The following GRID1 variants were observed in gnomAD, a reference collection of about 807,000 sequenced individuals.
GRID1 encodes glutamate ionotropic receptor delta type subunit 1, also known as glutamate receptor ionotropic, delta-1.
A neutral mutation model predicts 98.0 loss-of-function variants in GRID1; 28 were observed. The observed-to-expected ratio is 0.29, with a 90% CI of 0.21 to 0.39. The LOEUF is 0.39. Among genes scored for constraint, GRID1 ranks in the 10% least tolerant of loss-of-function variants. The pLI, the probability that GRID1 is intolerant of heterozygous loss-of-function variation, is 1.00. For synonymous variants in GRID1, 553 were observed against 538.5 expected (o/e 1.03, Z -0.37); for missense variants, 1,111 against 1,340.5 (o/e 0.83, Z 2.67).
intron 4 of GRID1, among the ~76,000 whole-genome samples, chr10:86,012,589 C>A (rs1019439182): frequency 6.6e-6 from 1 of 152,038 alleles, no homozygotes; most frequent in Non-Finnish European, 1.5e-5. Context: ...GTGTTTGTGT[C>A]CCCCCCAAAA....
intron 13 of GRID1, among the ~76,000 whole-genome samples, chr10:85,642,061 G>A (rs1190967311): frequency 6.6e-6 from 1 of 152,196 alleles, no homozygotes; most frequent in East Asian, 1.9e-4. Flanking sequence ...ATGTCCCTGG[G>A]TTGCCCCTGT....
intron 6 of GRID1, among the ~76,000 whole-genome samples, chr10:85,856,815 G>A (rs1306792236): frequency 2.6e-5 from 4 of 152,302 alleles, no homozygotes; most frequent in East Asian, 3.9e-4. Flanking sequence ...CACCGCTGGC[G>A]GATCCTTGGG....
chr10:85,844,116 G>A (rs1257994176), intron 8 of GRID1, among the ~76,000 whole-genome samples: 1 of 152,040 alleles, frequency 6.6e-6, no homozygotes, highest in Non-Finnish European at 1.5e-5. Flanking sequence ...CAACAACTTG[G>A]ATGGAACCTC....
At chr10:85,684,259 G>A (rs557418865) in intron 12 of GRID1, among the ~76,000 whole-genome samples, 1 of 152,210 alleles carries the variant, frequency 6.6e-6, no homozygotes, top group South Asian at 2.1e-4. Flanking sequence ...CTAAAACAAT[G>A]TATACCACTA....
At chr10:85,757,480 G>A (rs765320596) in intron 8 of GRID1, among the ~76,000 whole-genome samples, 5 of 152,170 alleles carry the variant, frequency 3.3e-5, no homozygotes, top group Admixed American at 1.3e-4. Context: ...CTCTGATCAG[G>A]GAGGCAATAA....
chr10:86,082,353 C>T (rs1285427761), intron 4 of GRID1, among the ~76,000 whole-genome samples: 1 of 152,198 alleles, frequency 6.6e-6, no homozygotes, highest in South Asian at 2.1e-4. Context: ...TGCAGCCTGG[C>T]TATGTGTTTT....
chr10:85,748,993 C>T (rs1210766940), intron 8 of GRID1, among the ~76,000 whole-genome samples: 1 of 152,180 alleles, frequency 6.6e-6, no homozygotes, highest in Non-Finnish European at 1.5e-5. Context: ...GCCATGTTTA[C>T]TCTACTTCAG....
At chr10:85,953,190 C>A (rs950039295) in intron 4 of GRID1, among the ~76,000 whole-genome samples, 1 of 151,880 alleles carries the variant, frequency 6.6e-6, no homozygotes, top group Non-Finnish European at 1.5e-5. Flanking sequence ...TACTATGCAG[C>A]TATAAAAAAG....
chr10:85,947,695 A>C lies in GRID1; in HGVS notation c.727-31456T>G, dbSNP rs115571346. Among the ~76,000 whole-genome samples the C allele has an allele frequency of 3.9e-3, 595 of 152,350 alleles. 4 individuals carry two copies. The highest frequency in any genetic ancestry group is 0.014 in the African/African-American group (570 of 41,580). On this transcript the variant is annotated intron_variant, in intron 4 of 15. Coordinates refer to ENST00000327946, the MANE Select transcript of GRID1 (RefSeq NM_017551.3). ...AAATGCTTCGTAAAGAAGACCACCA[A>C]ATCTGCTGAGAAGAGAGGATGCTGA...
chr10:86,103,536 G>A (rs1360571464), intron 4 of GRID1, among the ~76,000 whole-genome samples: 4 of 152,210 alleles, frequency 2.6e-5, no homozygotes, highest in Non-Finnish European at 5.9e-5. Context: ...GTCAGCCATG[G>A]GAGCTGGAGC....
chr10:85,830,204 G>T (rs888792249), intron 8 of GRID1, among the ~76,000 whole-genome samples: 1 of 152,136 alleles, frequency 6.6e-6, no homozygotes, highest in Non-Finnish European at 1.5e-5. Context: ...AACAAGCAAT[G>T]GGGGAGGGCC....
At chr10:86,346,802 G>A (rs1465197123) in intron 2 of GRID1, among the ~76,000 whole-genome samples, 5 of 152,184 alleles carry the variant, frequency 3.3e-5, no homozygotes, top group Non-Finnish European at 7.4e-5. Context: ...GAACCTGGAG[G>A]GAGCTCTCAG....
chr10:85,742,314 G>T (rs1253162064), intron 8 of GRID1, among the ~76,000 whole-genome samples: 2 of 152,086 alleles, frequency 1.3e-5, no homozygotes, highest in Admixed American at 1.3e-4. Context: ...GGTCTCTGTG[G>T]TCAACTACTC....
intron 2 of GRID1, among the ~76,000 whole-genome samples, chr10:86,250,750 C>A (rs1022037179): frequency 5.3e-5 from 8 of 150,300 alleles, no homozygotes; most frequent in Non-Finnish European, 8.9e-5. Flanking sequence ...CCCAGCCACC[C>A]GGTCTGGGAA....
At chr10:86,347,114 A>C (rs1248728484) in intron 2 of GRID1, among the ~76,000 whole-genome samples, 1 of 114,482 alleles carries the variant, frequency 8.7e-6, no homozygotes. Context: ...CACAGAGCTC[A>C]AAGCCTGGCC....
intron 4 of GRID1, among the ~76,000 whole-genome samples, chr10:86,041,309 C>T (rs1843342345): frequency 6.6e-6 from 1 of 152,186 alleles, no homozygotes; most frequent in Non-Finnish European, 1.5e-5. Flanking sequence ...GCAAACACCA[C>T]AACAACAGAG....
chr10:86,053,026 AG>A (rs1843522976), intron 4 of GRID1, among the ~76,000 whole-genome samples: 1 of 152,204 alleles, frequency 6.6e-6, no homozygotes, highest in Non-Finnish European at 1.5e-5. Flanking sequence ...TAATTTAGTA[AG>A]TCATGGCCTC....
intron 2 of GRID1, among the ~76,000 whole-genome samples, chr10:86,216,157 C>T (rs1185289521): frequency 1.3e-5 from 2 of 152,188 alleles, no homozygotes; most frequent in African/African-American, 2.4e-5. Flanking sequence ...ATTCCTTTTC[C>T]TGCATGTCCA....
chr10:85,701,153 T>A (rs984902044), intron 12 of GRID1, among the ~76,000 whole-genome samples: 4 of 152,126 alleles, frequency 2.6e-5, no homozygotes, highest in Admixed American at 6.6e-5. Flanking sequence ...AAAAAATTAA[T>A]GGGATACAGC....
Sources: gnomAD v4.1 joint callset for allele counts (sites outside exome capture counted in the v4.1 genomes callset) on GRCh38, gnomAD v4.1.1 for gene constraint, MANE v1.5 for transcripts, NCBI Gene and HGNC (gene_info 2026-07-23, HGNC 2026-07-21) for gene names.